CRB1: variants seen among roughly 807,000 people sequenced by gnomAD.
CRB1 encodes the protein crumbs cell polarity complex component 1, also known as protein crumbs homolog 1.
CRB1 carries 83 observed loss-of-function variants against 120.0 expected under a neutral mutation model. The observed-to-expected ratio is 0.69, with a 90% CI of 0.58 to 0.83. CRB1 has a LOEUF of 0.83. CRB1 is among the 40% of genes least tolerant of loss of function. The pLI, the probability that CRB1 is intolerant of heterozygous loss-of-function variation, is 0.00. For missense variants in CRB1, 1,699 were observed against 1,687.6 expected (o/e 1.01, Z -0.12); for synonymous variants, 625 against 612.5 (o/e 1.02, Z -0.30).
chr1:197,301,327 G>A (rs1021330653), intron 1 of CRB1, among the ~76,000 whole-genome samples: 30 of 151,904 alleles, frequency 2.0e-4, no homozygotes, highest in African/African-American at 1.2e-4. Flanking sequence ...CACCATACCC[G>A]GCTAATTTTT....
chr1:197,323,667 A>C (rs1009210349), intron 1 of CRB1, among the ~76,000 whole-genome samples: 12 of 152,186 alleles, frequency 7.9e-5, no homozygotes, highest in Admixed American at 3.3e-4. Flanking sequence ...AATGACCTTC[A>C]CAACTTGCAT....
chr1:197,338,186 T>A (rs1659261581), intron 2 of CRB1, among the ~76,000 whole-genome samples: 1 of 152,090 alleles, frequency 6.6e-6, no homozygotes, highest in Non-Finnish European at 1.5e-5. Context: ...TTTGCTATTT[T>A]CATAATTCTT....
At chr1:197,328,146 C>T (rs1658625994) in intron 1 of CRB1, among the ~76,000 whole-genome samples, 1 of 152,126 alleles carries the variant, frequency 6.6e-6, no homozygotes, top group South Asian at 2.1e-4. Context: ...AACTAAATTT[C>T]AATTATAATT....
rs752365237 is a variant in CRB1 at position 197,356,966 on chromosome 1, A to G, written c.1124A>G (p.Tyr375Cys). 1 of 1,614,190 alleles carries G rather than the reference A, an allele frequency of 6.2e-7. No homozygotes were observed. The highest frequency in any genetic ancestry group is 1.1e-5 in the South Asian group (1 of 91,084). Residue 375 changes from tyrosine to cysteine, a missense_variant, in exon 5 of 12, where the codon TAC becomes TGC. Transcript: ENST00000367400. Reference sequence around the variant, plus strand: ...ACTGGACTGCCTTCTTCTTTCAGCTACCATGAAGCCTCAGGTTATGTCTGT... The same window carrying G: ...ACTGGACTGCCTTCTTCTTTCAGCTGCCATGAAGCCTCAGGTTATGTCTGT... ...RITGLPSSFS[Y>C]HEASGYVCIC...
intron 5 of CRB1, among the ~76,000 whole-genome samples, chr1:197,398,820 A>G (rs1662907041): frequency 6.6e-6 from 1 of 151,544 alleles, no homozygotes. Flanking sequence ...CATTTATATG[A>G]CATTCTGGAA....
At position 197,340,616 on chromosome 1, in the gene CRB1, T is replaced by G. The variant is rs367847541; in HGVS notation, c.653-3665T>G. 3.3e-5 allele frequency among the ~76,000 whole-genome samples: 5 copies of G among 152,192 alleles called. No homozygotes were observed. The South Asian group carries it at 1.0e-3, about 32-fold the overall frequency. ...CAATAAGGATGGCACCTTAGATCCA[T>G]TTCTAAGAGAGAGATGATGAGATCT... On this transcript the variant is annotated intron_variant, in intron 2 of 11. Coordinates refer to ENST00000367400, the MANE Select transcript of CRB1 (RefSeq NM_201253.3).
chr1:197,376,034 T>C (rs1351841330), intron 5 of CRB1, among the ~76,000 whole-genome samples: 1 of 152,204 alleles, frequency 6.6e-6, no homozygotes, highest in African/African-American at 2.4e-5. Flanking sequence ...TAGTTTACAG[T>C]TGTTCTCTCT....
the CRB1 span, among the ~76,000 whole-genome samples, chr1:197,242,783 G>T: frequency 7.2e-5 from 11 of 152,132 alleles, no homozygotes; most frequent in African/African-American, 1.9e-4. Flanking sequence ...GTAGAATTCA[G>T]CTGTGATTCA....
chr1:197,253,270 T>G, the CRB1 span, among the ~76,000 whole-genome samples: 3 of 152,092 alleles, frequency 2.0e-5, no homozygotes, highest in African/African-American at 7.2e-5. Flanking sequence ...TGAATTTCTT[T>G]ATCACACTTT....
chr1:197,221,152 T>C, the CRB1 span, among the ~76,000 whole-genome samples: 1 of 152,050 alleles, frequency 6.6e-6, no homozygotes, highest in Non-Finnish European at 1.5e-5. Flanking sequence ...TAGAAGAGAT[T>C]TTTAGAGGCC....
intron 1 of CRB1, among the ~76,000 whole-genome samples, chr1:197,324,490 A>T (rs2125296589): frequency 6.6e-6 from 1 of 152,270 alleles, no homozygotes; most frequent in Non-Finnish European, 1.5e-5. Flanking sequence ...TATCTCTTTT[A>T]TTCCTAATAA....
intron 1 of CRB1, among the ~76,000 whole-genome samples, chr1:197,283,235 A>AT (rs925709650): frequency 4.0e-5 from 6 of 151,224 alleles, no homozygotes; most frequent in Admixed American, 1.3e-4. Flanking sequence ...ACATTTTAGA[A>AT]TTTTTTTTTC....
chr1:197,399,021 TC>T (rs1464526244), intron 5 of CRB1, among the ~76,000 whole-genome samples: 1 of 151,926 alleles, frequency 6.6e-6, no homozygotes, highest in Non-Finnish European at 1.5e-5. Flanking sequence ...GATTCAAGTC[TC>T]CATGTATTTC....
intron 5 of CRB1, among the ~76,000 whole-genome samples, chr1:197,375,961 C>A (rs773257785): frequency 6.6e-6 from 1 of 152,258 alleles, no homozygotes; most frequent in South Asian, 2.1e-4. Context: ...GAAAACTTCC[C>A]TGTCAACAAT....
chr1:197,250,287 T>C, the CRB1 span, among the ~76,000 whole-genome samples: 1 of 152,008 alleles, frequency 6.6e-6, no homozygotes, highest in African/African-American at 2.4e-5. Context: ...GGCATTATTT[T>C]CTTAATGTTT....
chr1:197,413,159 C>G (rs139803896), intron 5 of CRB1, among the ~76,000 whole-genome samples: 3 of 152,288 alleles, frequency 2.0e-5, no homozygotes, highest in African/African-American at 7.2e-5. Context: ...TCTAGGTCCT[C>G]AGGTTCCCCT....
At chr1:197,312,006 T>C (rs1485002711) in intron 1 of CRB1, among the ~76,000 whole-genome samples, 1 of 152,156 alleles carries the variant, frequency 6.6e-6, no homozygotes, top group East Asian at 1.9e-4. Flanking sequence ...TTCTCATAGT[T>C]TCTGCTATTC....
At chr1:197,222,753 C>T in the CRB1 span, 77 of 990,566 alleles carry the variant, frequency 7.8e-5, no homozygotes, top group Non-Finnish European at 8.5e-5. Context: ...AGTTGACTTG[C>T]TCTTTCTTTC....
chr1:197,285,240 C>A (rs1028923631), intron 1 of CRB1, among the ~76,000 whole-genome samples: 5 of 151,776 alleles, frequency 3.3e-5, no homozygotes, highest in African/African-American at 1.2e-4. Context: ...GAGGGTTATG[C>A]AAGAAGATGG....
Sources: allele counts gnomAD v4.1 joint callset (sites outside exome capture counted in the v4.1 genomes callset), GRCh38; gene constraint gnomAD v4.1.1; transcripts MANE v1.5; gene names NCBI Gene and HGNC (gene_info 2026-07-23, HGNC 2026-07-21).